Variants in SEMA6D observed in about 807,000 individuals in gnomAD.
SEMA6D encodes semaphorin-6D.
In SEMA6D, 35 loss-of-function variants were observed where a neutral mutation model predicts 106.6. That is an observed-to-expected ratio of 0.33 (90% confidence interval 0.25 to 0.44). SEMA6D has a LOEUF of 0.44. Among genes scored for constraint, SEMA6D ranks in the 20% least tolerant of loss-of-function variants. The pLI, the probability that SEMA6D is intolerant of heterozygous loss-of-function variation, is 1.00. For synonymous variants in SEMA6D, 499 were observed against 487.7 expected (o/e 1.02, Z -0.31); for missense variants, 1,185 against 1,345.9 (o/e 0.88, Z 1.87).
At chr15:47,667,105 C>A (rs986646763) in intron 4 of SEMA6D, among the ~76,000 whole-genome samples, 1 of 152,218 alleles carries the variant, frequency 6.6e-6, no homozygotes. Context: ...TACTGAAGCA[C>A]CAGAAACCAC....
At chr15:47,326,903 A>G (rs898546495) in intron 1 of SEMA6D, among the ~76,000 whole-genome samples, 3 of 152,162 alleles carry the variant, frequency 2.0e-5, no homozygotes, top group African/African-American at 7.2e-5. Flanking sequence ...CTAAATACAT[A>G]GCTCAGATTC....
chr15:47,591,943 C>T (rs2143016762), intron 3 of SEMA6D, among the ~76,000 whole-genome samples: 1 of 152,190 alleles, frequency 6.6e-6, no homozygotes, highest in Admixed American at 6.5e-5. Context: ...AGTGAGCTAA[C>T]TACGGTCACA....
At chr15:47,705,843 G>A (rs77578164) in intron 4 of SEMA6D, among the ~76,000 whole-genome samples, 1,865 of 152,306 alleles carry the variant, frequency 0.012, 18 homozygotes, top group Middle Eastern at 0.02. Flanking sequence ...CAAGGCTTAA[G>A]GCCATTACCA....
chr15:47,343,282 T>C (rs2037900749), intron 1 of SEMA6D, among the ~76,000 whole-genome samples: 1 of 151,026 alleles, frequency 6.6e-6, no homozygotes, highest in East Asian at 1.9e-4. Context: ...ATACTTTAAG[T>C]TTTAGGGTAC....
intron 1 of SEMA6D, among the ~76,000 whole-genome samples, chr15:47,742,230 C>G (rs1282418748): frequency 6.6e-6 from 1 of 152,224 alleles, no homozygotes; most frequent in Non-Finnish European, 1.5e-5. Context: ...TACTTCTTCA[C>G]ACTTGTATAG....
At chr15:47,252,864 G>C (rs1340202317) in intron 1 of SEMA6D, among the ~76,000 whole-genome samples, 1 of 152,116 alleles carries the variant, frequency 6.6e-6, no homozygotes, top group East Asian at 1.9e-4. Flanking sequence ...TGGGAATGCA[G>C]GTATCTTTCT....
At chr15:47,417,863 G>A (rs1051563267) in intron 2 of SEMA6D, among the ~76,000 whole-genome samples, 5 of 149,976 alleles carry the variant, frequency 3.3e-5, no homozygotes, top group Non-Finnish European at 5.9e-5. Context: ...ACAAATTATC[G>A]ATCACCATGT....
chr15:47,502,048 T>C (rs1158532024), intron 3 of SEMA6D, among the ~76,000 whole-genome samples: 3 of 152,142 alleles, frequency 2.0e-5, no homozygotes, highest in Non-Finnish European at 4.4e-5. Context: ...ATAAGGAAAA[T>C]ATCTCCTGAT....
intron 4 of SEMA6D, among the ~76,000 whole-genome samples, chr15:47,634,642 G>A (rs1246896214): frequency 6.6e-6 from 1 of 152,166 alleles, no homozygotes; most frequent in African/African-American, 2.4e-5. Context: ...GGCTTATTCA[G>A]TGTCATTGTT....
At chr15:47,225,123 A>C (rs1363029862) in intron 1 of SEMA6D, among the ~76,000 whole-genome samples, 5 of 151,642 alleles carry the variant, frequency 3.3e-5, no homozygotes, top group Non-Finnish European at 7.4e-5. Context: ...AATGTCACCA[A>C]CTCTGGAGAC....
At chr15:47,611,630 A>G (rs556402001) in intron 4 of SEMA6D, among the ~76,000 whole-genome samples, 79 of 152,340 alleles carry the variant, frequency 5.2e-4, no homozygotes, top group African/African-American at 1.6e-3. Flanking sequence ...TTGATAAAGA[A>G]AAAATGTGGC....
chr15:47,592,163 A>G (rs1369630), intron 3 of SEMA6D, among the ~76,000 whole-genome samples: 151,053 of 152,316 alleles, frequency 0.99, 74,909 homozygotes, highest in Middle Eastern at 1. Context: ...GGGAAAATAT[A>G]ATCACTGTTT....
intron 1 of SEMA6D, among the ~76,000 whole-genome samples, chr15:47,264,114 G>A (rs189513059): frequency 2.3e-4 from 35 of 152,020 alleles, no homozygotes; most frequent in African/African-American, 8.4e-4. Flanking sequence ...CAAATACTGC[G>A]TGTTCTCACT....
intron 1 of SEMA6D, among the ~76,000 whole-genome samples, chr15:47,341,958 A>G (rs2037830834): frequency 6.6e-6 from 1 of 151,488 alleles, no homozygotes; most frequent in Non-Finnish European, 1.5e-5. Context: ...GGGCCTTTAA[A>G]TTCAGTGAAA....
At chr15:47,316,607 G>GT (rs35168989) in intron 1 of SEMA6D, among the ~76,000 whole-genome samples, 100,406 of 140,504 alleles carry the variant, frequency 0.71, 37,088 homozygotes, top group Middle Eastern at 0.85. Context: ...TTATTGAGAG[G>GT]TTTTTTTTTT....
intron 1 of SEMA6D, among the ~76,000 whole-genome samples, chr15:47,317,033 G>A (rs998583440): frequency 6.6e-6 from 1 of 152,130 alleles, no homozygotes; most frequent in African/African-American, 2.4e-5. Context: ...TAGTGAATCT[G>A]TCTGGGCTGG....
chr15:47,480,995 T>C (rs1029205901), intron 3 of SEMA6D, among the ~76,000 whole-genome samples: 4 of 152,154 alleles, frequency 2.6e-5, no homozygotes, highest in African/African-American at 9.7e-5. Context: ...ATCTATACCA[T>C]TATAGTCAAA....
chr15:47,442,947 G>T (rs920065494), intron 2 of SEMA6D, among the ~76,000 whole-genome samples: 2 of 152,080 alleles, frequency 1.3e-5, no homozygotes, highest in African/African-American at 4.8e-5. Flanking sequence ...AGCCTTAAGT[G>T]TGTATACCAA....
At chr15:47,698,381 A>G (rs2078742467) in intron 4 of SEMA6D, among the ~76,000 whole-genome samples, 1 of 152,212 alleles carries the variant, frequency 6.6e-6, no homozygotes, top group Non-Finnish European at 1.5e-5. Flanking sequence ...GCAAAATTTT[A>G]TAAATGCTTT....
Sources: gnomAD v4.1 joint callset for allele counts (sites outside exome capture counted in the v4.1 genomes callset) on GRCh38, gnomAD v4.1.1 for gene constraint, MANE v1.5 for transcripts, NCBI Gene and HGNC (gene_info 2026-07-23, HGNC 2026-07-21) for gene names.